Variants in PAM observed in about 807,000 individuals in gnomAD.
PAM encodes the protein peptidylglycine alpha-amidating monooxygenase.
A neutral mutation model predicts 122.1 loss-of-function variants in PAM; 72 were observed. The observed-to-expected ratio is 0.59, with a 90% CI of 0.49 to 0.72. The LOEUF is 0.72. PAM is among the 30% of genes least tolerant of loss of function. PAM has a pLI of 0.00. For synonymous variants in PAM, 389 were observed against 404.4 expected (o/e 0.96, Z 0.46); for missense variants, 1,106 against 1,183.7 (o/e 0.93, Z 0.96).
chr5:102,948,997 C>T (rs914412342), intron 9 of PAM, among the ~76,000 whole-genome samples: 4 of 151,924 alleles, frequency 2.6e-5, no homozygotes, highest in Non-Finnish European at 5.9e-5. Flanking sequence ...AAATATTGTT[C>T]ATTTGTTTTC....
chr5:102,836,684 C>T (rs1377295003), intron 1 of PAM, among the ~76,000 whole-genome samples: 2 of 151,982 alleles, frequency 1.3e-5, no homozygotes. Flanking sequence ...TCCCTCCCTC[C>T]TTTAAATTAT....
intron 3 of PAM, among the ~76,000 whole-genome samples, chr5:102,900,271 GA>G (rs1797420148): frequency 5.0e-5 from 5 of 100,540 alleles, no homozygotes; most frequent in African/African-American, 2.2e-4. Context: ...GGGGCGGGGG[GA>G]AGAGGGTAGA....
At chr5:103,028,348 C>T in intron 25 of PAM, 110 bp downstream of exon 25, 3 of 763,872 alleles carry the variant, frequency 3.9e-6, no homozygotes, top group Non-Finnish European at 4.6e-6. Context: ...GATAAAGCAC[C>T]TTGTATGCAG....
chr5:102,886,565 T>G (rs1793169803), intron 3 of PAM, among the ~76,000 whole-genome samples: 1 of 151,980 alleles, frequency 6.6e-6, no homozygotes, highest in Admixed American at 6.6e-5. Flanking sequence ...GAATACGTAT[T>G]CTTTCTCTGT....
At chr5:102,759,409 G>A (rs1009620015) in intron 1 of PAM, among the ~76,000 whole-genome samples, 1 of 152,180 alleles carries the variant, frequency 6.6e-6, no homozygotes, top group Non-Finnish European at 1.5e-5. Flanking sequence ...CAATACATAG[G>A]TAAGAGCAGG....
chr5:102,759,576 A>T (rs1261754074), intron 1 of PAM, among the ~76,000 whole-genome samples: 1 of 152,198 alleles, frequency 6.6e-6, no homozygotes, highest in Non-Finnish European at 1.5e-5. Context: ...ATAAATATGA[A>T]ATCTCCCAAA....
intron 1 of PAM, among the ~76,000 whole-genome samples, chr5:102,827,748 G>A (rs1375316785): frequency 7.1e-5 from 1 of 14,130 alleles, no homozygotes; most frequent in Non-Finnish European, 1.1e-4. Context: ...CTGCAGTGGC[G>A]CAATCTCGGC....
chr5:103,001,833 T>C (rs1777481557), intron 16 of PAM, among the ~76,000 whole-genome samples: 1 of 152,148 alleles, frequency 6.6e-6, no homozygotes, highest in African/African-American at 2.4e-5. Flanking sequence ...CCTTCCCAAA[T>C]TGCAAATATA....
intron 3 of PAM, among the ~76,000 whole-genome samples, chr5:102,882,485 A>G (rs1791610755): frequency 6.6e-6 from 1 of 151,938 alleles, no homozygotes; most frequent in African/African-American, 2.4e-5. Flanking sequence ...AGGGATGTTG[A>G]GCATTTTTTC....
intron 14 of PAM, among the ~76,000 whole-genome samples, chr5:102,973,504 C>G (rs1254971161): frequency 1.3e-5 from 2 of 152,034 alleles, no homozygotes; most frequent in Non-Finnish European, 2.9e-5. Flanking sequence ...TTAAAAGTAT[C>G]CTTTGCTCAA....
intron 1 of PAM, among the ~76,000 whole-genome samples, chr5:102,760,681 G>A (rs936912237): frequency 1.3e-5 from 2 of 152,182 alleles, no homozygotes; most frequent in Non-Finnish European, 1.5e-5. Flanking sequence ...AATTTTGTTT[G>A]TGTTGGTGAG....
chr5:102,755,100 G>A (rs529848175), upstream of PAM: 4 of 152,636 alleles, frequency 2.6e-5, no homozygotes, highest in African/African-American at 7.2e-5. Flanking sequence ...CGTGGAGGAG[G>A]CGAGCGCGGG....
intron 1 of PAM, among the ~76,000 whole-genome samples, chr5:102,803,129 A>AAAAG (rs1245134657): frequency 1.8e-4 from 26 of 142,892 alleles, no homozygotes; most frequent in Non-Finnish European, 3.3e-4. Flanking sequence ...TGTCCAAAAA[A>AAAAG]AAAGAAAGAA....
At chr5:102,889,504 A>C (rs1187459370) in intron 3 of PAM, among the ~76,000 whole-genome samples, 1 of 151,798 alleles carries the variant, frequency 6.6e-6, no homozygotes, top group Non-Finnish European at 1.5e-5. Flanking sequence ...CCCTTAACCT[A>C]GCCGTCTTTG....
chr5:103,015,548 A>G (rs950160459), intron 21 of PAM, among the ~76,000 whole-genome samples: 1 of 152,154 alleles, frequency 6.6e-6, no homozygotes, highest in African/African-American at 2.4e-5. Flanking sequence ...TAACCACATA[A>G]TTTTGTTTCA....
chr5:102,979,166 T>C (rs866246963), intron 15 of PAM, among the ~76,000 whole-genome samples: 1 of 152,114 alleles, frequency 6.6e-6, no homozygotes, highest in Non-Finnish European at 1.5e-5. Context: ...ATAGGTATTA[T>C]AGGTGTATTG....
chr5:103,007,243 T>C (rs1254742660), intron 19 of PAM, among the ~76,000 whole-genome samples: 2 of 149,382 alleles, frequency 1.3e-5, no homozygotes, highest in Non-Finnish European at 2.9e-5. Context: ...GAAAATAATG[T>C]ATCCACCAAA....
rs1581125228 is a variant in PAM at position 102,867,422 on chromosome 5, A to G, written c.210+29A>G. ...AGAGGAATTTTGTCTTTCATTATTC[A>G]CTTGTTCTGGATACAATCTATAATT... On this transcript the variant is annotated intron_variant, in intron 3 of 25. Coordinates refer to ENST00000438793, the MANE Select transcript of PAM (RefSeq NM_001177306.2). The G allele has an allele frequency of 1.9e-6, 3 of 1,570,198 alleles. No individual in the cohort carries two copies. The East Asian group carries it at 6.7e-5, about 35-fold the overall frequency.
chr5:102,867,414 C>A, intron 3 of PAM, 21 bp downstream of exon 3: 1 of 1,583,276 alleles, frequency 6.3e-7, no homozygotes, highest in Non-Finnish European at 8.7e-7. Flanking sequence ...TTTTGTCTTT[C>A]ATTATTCACT....
Sources: allele counts gnomAD v4.1 joint callset (sites outside exome capture counted in the v4.1 genomes callset), GRCh38; gene constraint gnomAD v4.1.1; transcripts MANE v1.5; gene names NCBI Gene and HGNC (gene_info 2026-07-23, HGNC 2026-07-21).